Variants in ABCB9 observed in about 807,000 individuals in gnomAD.
ABCB9 encodes the protein ABC-type oligopeptide transporter ABCB9.
Under a neutral mutation model 62.0 loss-of-function variants are expected in ABCB9, and 36 were observed. The observed-to-expected ratio is 0.58, with a 90% confidence interval of 0.45 to 0.77. The LOEUF is 0.77. Ranked by LOEUF, ABCB9 falls within the 30% of genes least tolerant of loss-of-function variation. The pLI is 0.00. For missense variants in ABCB9, 943 were observed against 1,054.7 expected (o/e 0.89, Z 1.47); for synonymous variants, 435 against 461.4 (o/e 0.94, Z 0.73).
rs544799124 is a variant in ABCB9 at position 122,938,806 on chromosome 12, C to T, written c.1743+1305G>A. Among the ~76,000 whole-genome samples the T allele has an allele frequency of 1.9e-4, 29 of 151,186 alleles. 1 individual carries two copies. The highest frequency in any genetic ancestry group is 5.8e-4 in the East Asian group (3 of 5,136). On this transcript the variant is annotated intron_variant, in intron 9 of 11. Transcript: ENST00000280560. ...TCGTGCCACTGCACTCCAGCCTGGG[C>T]GACAGAGCGAGACTCTGTCTCCAAA...
intron 5 of ABCB9, chr12:122,946,433 C>T: frequency 1.7e-6 from 1 of 592,374 alleles, no homozygotes; most frequent in Non-Finnish European, 3.0e-6. Flanking sequence ...CAGAGAGGCT[C>T]TTGGGGCAAT....
intron 3 of ABCB9, 136 bp from the exon 4 acceptor site, chr12:122,950,054 C>T: frequency 1.7e-6 from 2 of 1,211,574 alleles, no homozygotes; most frequent in Non-Finnish European, 2.4e-6. Context: ...CTGCGGGGTC[C>T]CCCTCATTCC....
At chr12:122,950,689 C>T (rs959144481) in intron 2 of ABCB9, 124 bp from the exon 3 acceptor site, 25 of 765,696 alleles carry the variant, frequency 3.3e-5, no homozygotes, top group Non-Finnish European at 3.8e-5. Flanking sequence ...TTTCCTCCCT[C>T]GGCAAACTCT....
chr12:122,973,766 CAGG>C (rs1249749387), intron 1 of ABCB9, among the ~76,000 whole-genome samples: 2 of 151,936 alleles, frequency 1.3e-5, no homozygotes, highest in Non-Finnish European at 2.9e-5. Flanking sequence ...GAGGCTGAGC[CAGG>C]AGAATGGCGT....
chr12:122,925,597 A>C (rs2034879147), downstream of ABCB9, among the ~76,000 whole-genome samples: 1 of 152,050 alleles, frequency 6.6e-6, no homozygotes, highest in South Asian at 2.1e-4. Context: ...AAACGCAAAA[A>C]ATTACCTGGG....
chr12:122,964,779 G>A lies in ABCB9; in HGVS notation c.-88+1508C>T, dbSNP rs773690143. 1.3e-5 allele frequency among the ~76,000 whole-genome samples: 2 copies of A among 152,184 alleles called. No individual in the cohort carries two copies. Among genetic ancestry groups the A allele is most frequent in the Non-Finnish European group, 2.9e-5 (2 of 68,024 alleles). ...GCCAGAATAGGCCCCACCCAGAACC[G>A]GACAAGGCCCAGGAAGACAGGGGTG... is the stretch of plus-strand genomic sequence containing the variant. On this transcript the variant is annotated intron_variant, in intron 1 of 11. Coordinates refer to ENST00000280560, the MANE Select transcript of ABCB9 (RefSeq NM_019625.4). The surrounding 1 kb of genome is among the most constrained non-coding windows in gnomAD (Gnocchi z 4.7).
At chr12:122,937,308 G>A (rs139373528) in intron 9 of ABCB9, among the ~76,000 whole-genome samples, 55 of 151,240 alleles carry the variant, frequency 3.6e-4, no homozygotes, top group African/African-American at 1.3e-3. Context: ...GCAGTGAGCC[G>A]AGATCATGCC....
rs181959383 is a variant in ABCB9 at position 122,964,815 on chromosome 12, A to T, written c.-88+1472T>A. On this transcript the variant is annotated intron_variant, in intron 1 of 11. Coordinates refer to ENST00000280560, the MANE Select transcript of ABCB9 (RefSeq NM_019625.4). The surrounding 1 kb of genome is among the most constrained non-coding windows in gnomAD (Gnocchi z 4.7). ...AGGAAGACAGGGGTGGCTCGCCCTGACTCCGTGCACTAAAGAATGGCACAG... is the reference window on the plus strand; with the variant it reads ...AGGAAGACAGGGGTGGCTCGCCCTGTCTCCGTGCACTAAAGAATGGCACAG... Among the ~76,000 whole-genome samples, 626 of 152,206 alleles carry T rather than the reference A, an allele frequency of 4.1e-3. 18 individuals are homozygous for T. Among genetic ancestry groups the T allele is most frequent in the Non-Finnish European group, 9.1e-4 (62 of 67,994 alleles).
In ABCB9 at chr12:122,932,382, CG is replaced by C; in HGVS notation, c.1904-55del. 6.6e-7 allele frequency: 1 copy of C among 1,513,454 alleles called. No individual in the cohort carries two copies. 93.8% of individuals were successfully genotyped at this position (1,513,454 alleles called of 1,614,324 possible). A position where few individuals can be genotyped will look rare whatever the true frequency, so the allele number is the denominator to read the frequency against. On this transcript the variant is annotated intron_variant, in intron 10 of 11. Coordinates refer to ENST00000280560, the MANE Select transcript of ABCB9 (RefSeq NM_019625.4). The surrounding 1 kb of genome is among the most constrained non-coding windows in gnomAD (Gnocchi z 4.7). ...AGCAATGGGTGAGGCCGGGCAGCAC[CG>C]GGGAAGAGTGAGAGGCCCTGCCCTG...
chr12:122,970,813 A>T (rs1330744231), upstream of ABCB9, among the ~76,000 whole-genome samples: 1 of 152,252 alleles, frequency 6.6e-6, no homozygotes, highest in Non-Finnish European at 1.5e-5. Flanking sequence ...ACACCCAGAC[A>T]ACAGAATATT....
rs562935903 is a variant in ABCB9 at position 122,944,209 on chromosome 12, G to A, written c.1380+182C>T. 4.6e-5 allele frequency among the ~76,000 whole-genome samples: 7 copies of A among 152,098 alleles called. No individual in the cohort carries two copies. The highest frequency in any genetic ancestry group is 4.1e-4 in the South Asian group (2 of 4,820). On this transcript the variant is annotated intron_variant, in intron 7 of 11. Transcript: ENST00000280560. The surrounding 1 kb of genome is among the most constrained non-coding windows in gnomAD (Gnocchi z 4.9). ...CTCCCAAAGTTCTGGGATTATAGGC[G>A]TGAGCCACCACGCCCTGCCTAGTAT...
chr12:122,971,477 C>A (rs2037270405), upstream of ABCB9, among the ~76,000 whole-genome samples: 1 of 150,970 alleles, frequency 6.6e-6, no homozygotes, highest in African/African-American at 2.4e-5. Context: ...TTTTTTGAGA[C>A]AGGGTCTCAT....
At chr12:122,938,443 G>A (rs1249983599) in intron 9 of ABCB9, among the ~76,000 whole-genome samples, 1 of 152,092 alleles carries the variant, frequency 6.6e-6, no homozygotes, top group Non-Finnish European at 1.5e-5. Flanking sequence ...GAGGTGGGAG[G>A]ATGACTTGAG....
intron 1 of ABCB9, among the ~76,000 whole-genome samples, chr12:122,973,606 A>C (rs2037320474): frequency 3.5e-5 from 5 of 144,376 alleles, no homozygotes; most frequent in South Asian, 2.2e-4. Flanking sequence ...AAAAAAAAAA[A>C]AAACAAAAAC....
chr12:122,919,002 T>C (rs1312330495), downstream of ABCB9, among the ~76,000 whole-genome samples: 2 of 152,158 alleles, frequency 1.3e-5, no homozygotes, highest in African/African-American at 4.8e-5. Context: ...TAGGTGACCT[T>C]CCCTGCCTGG....
chr12:122,953,890 G>A (rs2036490086), intron 2 of ABCB9, among the ~76,000 whole-genome samples: 2 of 152,116 alleles, frequency 1.3e-5, no homozygotes, highest in African/African-American at 4.8e-5. Flanking sequence ...CTATAGGTTT[G>A]GTACAATTAT....
rs1301960260 is a variant in ABCB9 at position 122,932,462 on chromosome 12, G to GT, written c.1904-135dup. 1 of 1,222,508 alleles carries GT rather than the reference G, an allele frequency of 8.2e-7. No individual in the cohort carries two copies. Among genetic ancestry groups the GT allele is most frequent in the Non-Finnish European group, 1.1e-6 (1 of 903,832 alleles). 75.7% of individuals were successfully genotyped at this position (1,222,508 alleles called of 1,614,324 possible). A position where few individuals can be genotyped will look rare whatever the true frequency, so the allele number is the denominator to read the frequency against. On this transcript the variant is annotated intron_variant, in intron 10 of 11. Transcript: ENST00000280560. This position sits in a 1 kb window ranked among gnomAD's most constrained non-coding sequence, Gnocchi z 4.7. ...ACAACTTGAAAGCTCATGAAATGAT[G>GT]TTCCCCCCACCCAACTCATAAGGGG...
Position 122,932,258 on chromosome 12 carries a change from C to T in ABCB9, c.1974G>A (p.Val658=), listed in dbSNP as rs1327451720. ...KQRVAMARAL[V]RNPPVLILDE... is the part of the protein sequence containing the mutation. ...CCAGGATGAGGACTGGGGGGTTCCGCACCAGAGCCCGGGCCATGGCCACCC... is the reference window on the plus strand; with the variant it reads ...CCAGGATGAGGACTGGGGGGTTCCGTACCAGAGCCCGGGCCATGGCCACCC... The change falls in exon 11 of 12, where the codon GTG becomes GTA. Residue 658 remains valine (V), a synonymous_variant. Coordinates refer to ENST00000280560, the MANE Select transcript of ABCB9 (RefSeq NM_019625.4). The surrounding 1 kb of genome is among the most constrained non-coding windows in gnomAD (Gnocchi z 4.7). The T allele has an allele frequency of 6.4e-7, 1 of 1,551,646 alleles. No homozygotes were observed. Among genetic ancestry groups the T allele is most frequent in the Non-Finnish European group, 8.7e-7 (1 of 1,147,260 alleles).
At chr12:122,941,413 A>G (rs2035757828) in intron 7 of ABCB9, among the ~76,000 whole-genome samples, 1 of 149,872 alleles carries the variant, frequency 6.7e-6, no homozygotes, top group South Asian at 2.1e-4. Context: ...AAGTCAAGTG[A>G]TTCTCCTGCC....
Sources: gnomAD v4.1 joint callset for allele counts (sites outside exome capture counted in the v4.1 genomes callset) on GRCh38, gnomAD v4.1.1 for gene constraint, Gnocchi (gnomAD v3.1) non-coding constraint, MANE v1.5 for transcripts, NCBI Gene and HGNC (gene_info 2026-07-23, HGNC 2026-07-21) for gene names.